ZNF414: variants seen among roughly 807,000 people sequenced by gnomAD.
The protein encoded by ZNF414 is zinc finger protein 414.
In ZNF414, 32 loss-of-function variants were observed where a neutral mutation model predicts 38.3. The observed-to-expected ratio is 0.83, with a 90% CI of 0.63 to 1.12. The LOEUF (loss-of-function observed/expected upper bound fraction) is 1.12, where lower values mean the gene tolerates loss of function less well. Ranked by LOEUF, ZNF414 falls within the 50% of genes most tolerant of loss-of-function variation. The pLI is 0.00. For synonymous variants in ZNF414, 256 were observed against 248.0 expected (o/e 1.03, Z -0.30); for missense variants, 589 against 557.4 (o/e 1.06, Z -0.57).
intron 7 of ZNF414, 23 bp from the exon 8 acceptor site, chr19:8,510,787 G>A (rs1424945176): frequency 6.5e-7 from 1 of 1,534,718 alleles, no homozygotes. Flanking sequence ...GAGGAGGGGG[G>A]CGCCTGAGCC....
chr19:8,511,336 T>G (rs1739249050), intron 6 of ZNF414, 150 bp downstream of exon 6: 3 of 1,453,846 alleles, frequency 2.1e-6, no homozygotes, highest in Non-Finnish European at 2.7e-6. Context: ...TGCCAGTCAT[T>G]TTTAAGGCAA....
intron 4 of ZNF414, 188 bp downstream of exon 4, chr19:8,512,199 C>A: frequency 2.8e-6 from 4 of 1,433,056 alleles, no homozygotes; most frequent in Non-Finnish European, 3.7e-6. Flanking sequence ...GGAGGTAAAG[C>A]CTGGCTGGGT....
Position 8,512,595 on chromosome 19 carries a change from T to G in ZNF414, c.424+9A>C. On this transcript the variant is annotated intron_variant, in intron 3 of 7. Coordinates refer to ENST00000393927, the MANE Select transcript of ZNF414 (RefSeq NM_001146175.2). The stretch of plus-strand genomic sequence containing the variant: ...TAACCTGCCTCCCCATTACCAGTCC[T>G]GGCCCTACCTTCCAGGGACTGTGTG... 1 of 1,592,092 alleles carries G rather than the reference T, an allele frequency of 6.3e-7. No homozygotes were observed. Among genetic ancestry groups the G allele is most frequent in the Non-Finnish European group, 8.6e-7 (1 of 1,168,012 alleles).
At chr19:8,512,133 T>TGGGGAAACCC (rs35904730) in intron 4 of ZNF414, 173 bp from the exon 5 acceptor site, 230,842 of 1,424,210 alleles carry the variant, frequency 0.16, 19,014 homozygotes, top group African/African-American at 0.17. Context: ...GGTGGGAACC[T>TGGGGAAACCC]GGGGAAACCC....
chr19:8,511,883 T>C lies in ZNF414; in HGVS notation c.608A>G (p.Gln203Arg). 2 of 1,408,718 alleles carry C rather than the reference T, an allele frequency of 1.4e-6. No individual in the cohort carries two copies. The highest frequency in any genetic ancestry group is 3.2e-5 in the Admixed American group (1 of 31,678). The allele number at this position is 1,408,718 out of a possible 1,614,324, so 87.3% of individuals were successfully genotyped here. Residue 203 changes from glutamine (Q) to arginine (R), a missense_variant, in exon 5 of 8, where the codon CAG becomes CGG. Transcript: ENST00000393927. ...KHLHVCAEHA[Q>R]SPAPPPPPAL... is the part of the protein sequence containing the mutation. ...CGGGGGTGGCGGCGGGGCTGGGCTC[T>C]GCGCATGCTCCGCGCAAACATGCAG...
intron 1 of ZNF414, 88 bp from the exon 2 acceptor site, chr19:8,513,429 G>A (rs1397069772): frequency 3.8e-6 from 5 of 1,305,958 alleles, no homozygotes; most frequent in Admixed American, 5.6e-5. Context: ...AGCAGGAGAG[G>A]ATAGGGGAAT....
chr19:8,512,937 C>A, intron 2 of ZNF414, 92 bp downstream of exon 2: 1 of 1,391,446 alleles, frequency 7.2e-7, no homozygotes, highest in Non-Finnish European at 9.4e-7. Context: ...AGTGGCATCC[C>A]TCTAGAAAGG....
In ZNF414 at chr19:8,514,165, C is replaced by G. The variant is rs1027028300; in HGVS notation, c.-119G>C. The G allele has an allele frequency of 8.7e-6, 11 of 1,262,676 alleles. 1 individual carries two copies. In the South Asian group the frequency reaches 2.0e-4, roughly 22 times the overall value. The allele number at this position is 1,262,676 out of a possible 1,614,324, so 78.2% of individuals were successfully genotyped here. ...CAGCGCCATTTTCCACCTCTCAGCT[C>G]TCGCGAGACTGGGGGCGGGGCCTGC... On this transcript the variant is annotated 5_prime_UTR_variant, in exon 1 of 8. Coordinates refer to ENST00000393927, the MANE Select transcript of ZNF414 (RefSeq NM_001146175.2).
chr19:8,512,154 C>T, intron 4 of ZNF414, 194 bp from the exon 5 acceptor site: 1 of 1,205,648 alleles, frequency 8.3e-7, no homozygotes, highest in Non-Finnish European at 1.1e-6. Flanking sequence ...GGAAAGAAGT[C>T]TCAATTTTAA....
chr19:8,511,741 G>T lies in ZNF414; in HGVS notation c.750C>A (p.Thr250=). 1 of 1,461,854 alleles carries T rather than the reference G, an allele frequency of 6.8e-7. No individual in the cohort carries two copies. The highest frequency in any genetic ancestry group is 2.7e-5 in the Admixed American group (1 of 37,516). 90.6% of individuals were successfully genotyped at this position (1,461,854 alleles called of 1,614,324 possible). A position where few individuals can be genotyped will look rare whatever the true frequency, so the allele number is the denominator to read the frequency against. ...GGTTCAAGTAGGGCAGGAACGGTCC[G>T]GTGGGGGCAGGGGCGGGGGTCGTGA... is the stretch of plus-strand genomic sequence containing the variant. ...EPFTTPAPAP[T]GPFLPYLNPA... Residue 250 remains threonine (T), a synonymous_variant, in exon 5 of 8, where the codon ACC becomes ACA. Coordinates refer to ENST00000393927, the MANE Select transcript of ZNF414 (RefSeq NM_001146175.2).
At position 8,514,094 on chromosome 19, in the gene ZNF414, C is replaced by G; in HGVS notation, c.-48G>C. 2 of 1,459,934 alleles carry G rather than the reference C, an allele frequency of 1.4e-6. No individual in the cohort carries two copies. Among genetic ancestry groups the G allele is most frequent in the Non-Finnish European group, 1.8e-6 (2 of 1,107,230 alleles). 90.4% of individuals were successfully genotyped at this position (1,459,934 alleles called of 1,614,324 possible). ...GTTTCTGCGGCTCCGGCGGCTGCAG[C>G]TTAGGCGGCGGCCACCCTCTGGGCA... On this transcript the variant is annotated 5_prime_UTR_variant, in exon 1 of 8. Coordinates refer to ENST00000393927, the MANE Select transcript of ZNF414 (RefSeq NM_001146175.2).
At position 8,513,055 on chromosome 19, in the gene ZNF414, C is replaced by T. The variant is rs1971940074; in HGVS notation, c.290G>A (p.Arg97Gln). 2 of 1,474,800 alleles carry T rather than the reference C, an allele frequency of 1.4e-6. No individual in the cohort carries two copies. Among genetic ancestry groups the T allele is most frequent in the African/African-American group, 1.4e-5 (1 of 70,000 alleles). The allele number at this position is 1,474,800 out of a possible 1,614,324, so 91.4% of individuals were successfully genotyped here. The part of the protein sequence containing the change: ...SIVSGTSEDL[R>Q]PPRRRPPPGK... ...TGGAGGTGGGCGTCGTCTGGGAGGC[C>T]GCAGGTCCTCGCTGGTCCCGGAGAC... is the stretch of plus-strand genomic sequence containing the variant. Residue 97 changes from arginine (R) to glutamine (Q), a missense_variant, in exon 2 of 8, where the codon CGG (arginine) becomes CAG (glutamine). By Grantham distance (43) the Arg-to-Gln change is conservative. Transcript: ENST00000393927.
intron 1 of ZNF414, among the ~76,000 whole-genome samples, chr19:8,513,630 T>A (rs1971949986): frequency 6.6e-6 from 1 of 151,984 alleles, no homozygotes; most frequent in Non-Finnish European, 1.5e-5. Flanking sequence ...AAACATCTGC[T>A]CTCCTCAACT....
chr19:8,512,216 A>G (rs1330805902), intron 4 of ZNF414, 171 bp downstream of exon 4: 1 of 1,429,970 alleles, frequency 7.0e-7, no homozygotes, highest in Non-Finnish European at 9.2e-7. Context: ...GGGTGGGGCC[A>G]CGCCCACGTA....
chr19:8,511,196 C>T (rs1315336918), intron 6 of ZNF414, 172 bp from the exon 7 acceptor site: 2 of 1,310,326 alleles, frequency 1.5e-6, no homozygotes, highest in Non-Finnish European at 1.9e-6. Flanking sequence ...GTTGGGGGCA[C>T]CCAACTTGGC....
At chr19:8,513,995 G>A (rs1417874917) in intron 1 of ZNF414, 49 bp downstream of exon 1, 4 of 1,417,578 alleles carry the variant, frequency 2.8e-6, no homozygotes, top group Admixed American at 5.7e-5. Context: ...GCCGCTCCCC[G>A]CCAGTCCCCG....
At chr19:8,512,219 C>T in intron 4 of ZNF414, 168 bp downstream of exon 4, 2 of 1,427,094 alleles carry the variant, frequency 1.4e-6, no homozygotes, top group Non-Finnish European at 1.8e-6. Flanking sequence ...TGGGGCCACG[C>T]CCACGTATGC....
chr19:8,512,207 G>T (rs1971927563), intron 4 of ZNF414, 180 bp downstream of exon 4: 1 of 1,433,778 alleles, frequency 7.0e-7, no homozygotes, highest in Non-Finnish European at 9.2e-7. Context: ...AGCCTGGCTG[G>T]GTGGGGCCAC....
chr19:8,512,150 A>G, intron 4 of ZNF414, 190 bp from the exon 5 acceptor site: 1 of 1,426,146 alleles, frequency 7.0e-7, no homozygotes, highest in South Asian at 1.5e-5. Flanking sequence ...ACCCGGAAAG[A>G]AGTCTCAATT....
Sources: gnomAD v4.1 joint callset for allele counts (sites outside exome capture counted in the v4.1 genomes callset) on GRCh38, gnomAD v4.1.1 for gene constraint, MANE v1.5 for transcripts, NCBI Gene and HGNC (gene_info 2026-07-23, HGNC 2026-07-21) for gene names.